SGCG: variants seen among roughly 807,000 people sequenced by gnomAD.
The protein encoded by SGCG is sarcoglycan gamma.
In SGCG, 26 loss-of-function variants were observed where a neutral mutation model predicts 29.3. The observed-to-expected ratio is 0.89, with a 90% CI of 0.65 to 1.23. The LOEUF (loss-of-function observed/expected upper bound fraction) is 1.23, where lower values mean the gene tolerates loss of function less well. SGCG is among the 50% of genes most tolerant of loss of function. The probability of loss-of-function intolerance (pLI) is 0.00; values close to 1 mark genes in which losing one functional copy is unlikely to be tolerated. For missense variants in SGCG, 353 were observed against 356.0 expected (o/e 0.99, Z 0.07); for synonymous variants, 145 against 129.7 (o/e 1.12, Z -0.80).
chr13:23,317,840 G>T (rs940033968), intron 6 of SGCG, among the ~76,000 whole-genome samples: 2 of 152,116 alleles, frequency 1.3e-5, no homozygotes, highest in African/African-American at 4.8e-5. Context: ...GTGTCAACTC[G>T]ATTGGATTAA....
chr13:23,223,200 C>A lies in SGCG; in HGVS notation c.196-11411C>A, dbSNP rs916692333. Reference sequence around the variant, plus strand: ...GGCTGAGGCAGGAGAATGGCATGAACCTGGAAGGCGGAGCTTGCAGTGAGC... The same window carrying A: ...GGCTGAGGCAGGAGAATGGCATGAAACTGGAAGGCGGAGCTTGCAGTGAGC... On this transcript the variant is annotated intron_variant, in intron 2 of 7. Coordinates refer to ENST00000218867, the MANE Select transcript of SGCG (RefSeq NM_000231.3). 2.4e-4 allele frequency among the ~76,000 whole-genome samples: 36 copies of A among 149,184 alleles called. No homozygotes were observed. In the East Asian group the frequency reaches 6.8e-3, roughly 28 times the overall value.
At chr13:23,203,647 C>T in intron 1 of SGCG, 48 bp from the exon 2 acceptor site, 1 of 1,437,726 alleles carries the variant, frequency 7.0e-7, no homozygotes, top group South Asian at 1.2e-5. Context: ...CTCCCTCATT[C>T]CCTCTCTGTC....
At chr13:23,321,019 G>T (rs1416194248) in intron 7 of SGCG, among the ~76,000 whole-genome samples, 1 of 151,742 alleles carries the variant, frequency 6.6e-6, no homozygotes, top group Non-Finnish European at 1.5e-5. Flanking sequence ...TTAGTGACTT[G>T]TTATTTTCAA....
intron 5 of SGCG, among the ~76,000 whole-genome samples, chr13:23,279,823 G>C (rs1459607884): frequency 2.0e-5 from 3 of 151,636 alleles, no homozygotes; most frequent in African/African-American, 7.3e-5. Flanking sequence ...TGCCTCCTGG[G>C]TTCAAGCAAT....
At chr13:23,219,497 A>G (rs1244690198) in intron 2 of SGCG, among the ~76,000 whole-genome samples, 1 of 152,168 alleles carries the variant, frequency 6.6e-6, no homozygotes, top group Non-Finnish European at 1.5e-5. Flanking sequence ...TAGCTGCGGT[A>G]GTATTAAAGG....
intron 2 of SGCG, among the ~76,000 whole-genome samples, chr13:23,226,513 A>AGAC (rs1445898781): frequency 6.6e-6 from 1 of 152,228 alleles, no homozygotes; most frequent in Admixed American, 6.5e-5. Flanking sequence ...CTTGATATTA[A>AGAC]GATGTCAATT....
chr13:23,238,341 C>T (rs1485530718), intron 3 of SGCG, among the ~76,000 whole-genome samples: 1 of 152,108 alleles, frequency 6.6e-6, no homozygotes, highest in East Asian at 1.9e-4. Context: ...TCACCTCATC[C>T]CACCCCCACC....
At chr13:23,196,841 A>G (rs145288323) in intron 1 of SGCG, among the ~76,000 whole-genome samples, 2 of 152,288 alleles carry the variant, frequency 1.3e-5, no homozygotes, top group East Asian at 3.9e-4. Flanking sequence ...CACACTGAGA[A>G]TTACTGCCAC....
At chr13:23,204,229 T>A (rs1465932329) in intron 2 of SGCG, among the ~76,000 whole-genome samples, 1 of 152,192 alleles carries the variant, frequency 6.6e-6, no homozygotes, top group African/African-American at 2.4e-5. Flanking sequence ...GTATAAATCA[T>A]TTTCTTAATT....
chr13:23,281,585 A>T (rs1220147392), intron 5 of SGCG, among the ~76,000 whole-genome samples: 1 of 152,170 alleles, frequency 6.6e-6, no homozygotes, highest in Non-Finnish European at 1.5e-5. Context: ...GTAGAAGAGC[A>T]GTCCCCAACC....
chr13:23,316,911 A>T (rs1301974960), intron 6 of SGCG, among the ~76,000 whole-genome samples: 2 of 152,212 alleles, frequency 1.3e-5, no homozygotes, highest in Non-Finnish European at 2.9e-5. Flanking sequence ...CAGACTATCA[A>T]GATGAAATCA....
intron 6 of SGCG, among the ~76,000 whole-genome samples, chr13:23,298,683 T>C (rs1406456565): frequency 2.6e-5 from 4 of 152,150 alleles, no homozygotes; most frequent in Non-Finnish European, 4.4e-5. Flanking sequence ...TTAAAGCCAA[T>C]TTAAAATTAT....
At chr13:23,172,451 G>A in the SGCG span, among the ~76,000 whole-genome samples, 29 of 152,026 alleles carry the variant, frequency 1.9e-4, no homozygotes, top group Admixed American at 1.0e-3. Flanking sequence ...AAAATAATTA[G>A]TAATAACGAT....
intron 6 of SGCG, among the ~76,000 whole-genome samples, chr13:23,299,386 A>C (rs114506901): frequency 0.015 from 1,942 of 131,242 alleles, 82 homozygotes; most frequent in African/African-American, 0.054. Flanking sequence ...CAGTAAAAAG[A>C]TTCTGGAATA....
chr13:23,182,270 T>A (rs1213802063), intron 1 of SGCG, among the ~76,000 whole-genome samples: 2 of 152,194 alleles, frequency 1.3e-5, no homozygotes, highest in African/African-American at 4.8e-5. Flanking sequence ...TTGCATAACT[T>A]ATAGGGCCTG....
chr13:23,288,559 A>G (rs181033098), intron 5 of SGCG, among the ~76,000 whole-genome samples: 18 of 152,320 alleles, frequency 1.2e-4, no homozygotes, highest in African/African-American at 3.8e-4. Context: ...TTTAAGCGAA[A>G]TTTATGGAAG....
intron 4 of SGCG, among the ~76,000 whole-genome samples, chr13:23,265,501 C>T (rs551703903): frequency 6.6e-6 from 1 of 152,310 alleles, no homozygotes; most frequent in East Asian, 1.9e-4. Context: ...TCGCTTGAAC[C>T]TGGGAGGTGG....
intron 4 of SGCG, among the ~76,000 whole-genome samples, chr13:23,262,305 G>A (rs751208774): frequency 3.3e-5 from 5 of 151,890 alleles, no homozygotes; most frequent in Admixed American, 2.0e-4. Context: ...TTAAGGGGTC[G>A]AAAACAATAT....
intron 4 of SGCG, among the ~76,000 whole-genome samples, chr13:23,254,514 T>G (rs771776999): frequency 3.3e-5 from 5 of 151,984 alleles, no homozygotes; most frequent in Non-Finnish European, 7.4e-5. Context: ...AAAAAAAAAC[T>G]TTAAAATTTG....
Sources: gnomAD v4.1 joint callset for allele counts (sites outside exome capture counted in the v4.1 genomes callset) on GRCh38, gnomAD v4.1.1 for gene constraint, MANE v1.5 for transcripts, NCBI Gene and HGNC (gene_info 2026-07-23, HGNC 2026-07-21) for gene names.